SLC25A26: variants seen among roughly 807,000 people sequenced by gnomAD.
SLC25A26 encodes mitochondrial S-adenosylmethionine carrier protein.
SLC25A26 carries 36 observed loss-of-function variants against 37.8 expected under a neutral mutation model. The ratio of observed to expected loss-of-function variants is 0.95; its 90% CI spans 0.73 to 1.26. The LOEUF (loss-of-function observed/expected upper bound fraction) is 1.26. Ranked by LOEUF, SLC25A26 falls within the 50% of genes most tolerant of loss-of-function variation. SLC25A26 has a pLI of 0.00. For synonymous variants in SLC25A26, 129 were observed against 122.5 expected, an observed-to-expected ratio of 1.05 and a Z score of -0.35; for missense variants, 390 against 331.1, an observed-to-expected ratio of 1.18 and a Z score of -1.38.
intron 1 of SLC25A26, among the ~76,000 whole-genome samples, chr3:66,190,062 G>C: frequency 6.6e-6 from 1 of 152,202 alleles, no homozygotes; most frequent in East Asian, 1.9e-4. Context: ...CTGGAATCCC[G>C]GCACTTTGGG....
intron 1 of SLC25A26, among the ~76,000 whole-genome samples, chr3:66,157,758 G>A (rs1370975324): frequency 6.6e-6 from 1 of 152,070 alleles, no homozygotes; most frequent in Admixed American, 6.5e-5. Context: ...CATGCCACAT[G>A]CATATCTGGT....
At chr3:66,260,389 A>G (rs1434136036) in intron 3 of SLC25A26, among the ~76,000 whole-genome samples, 2 of 152,222 alleles carry the variant, frequency 1.3e-5, no homozygotes, top group Non-Finnish European at 2.9e-5. Context: ...CAAGTTACAG[A>G]CAGCTTTATA....
chr3:66,349,805 A>G (rs1207017923), intron 6 of SLC25A26, among the ~76,000 whole-genome samples: 1 of 152,178 alleles, frequency 6.6e-6, no homozygotes, highest in Non-Finnish European at 1.5e-5. Flanking sequence ...TGGCTGTACC[A>G]GTTTGCATTC....
At chr3:66,156,806 G>C (rs1042340743) in intron 1 of SLC25A26, among the ~76,000 whole-genome samples, 2 of 152,070 alleles carry the variant, frequency 1.3e-5, no homozygotes, top group Non-Finnish European at 2.9e-5. Context: ...CAGGCTTTGG[G>C]GAAAGTAGAG....
intron 5 of SLC25A26, among the ~76,000 whole-genome samples, chr3:66,343,301 T>A (rs1276729425): frequency 6.6e-6 from 1 of 152,266 alleles, no homozygotes; most frequent in African/African-American, 2.4e-5. Context: ...AATTTTGACT[T>A]GAAGAATATT....
At chr3:66,292,061 C>T (rs2074730595) in intron 5 of SLC25A26, among the ~76,000 whole-genome samples, 1 of 152,150 alleles carries the variant, frequency 6.6e-6, no homozygotes. Flanking sequence ...TAATGCCCTT[C>T]TTTGTCTTTT....
At chr3:66,257,581 G>A (rs34695932) in intron 3 of SLC25A26, among the ~76,000 whole-genome samples, 24,943 of 152,056 alleles carry the variant, frequency 0.16, 2,494 homozygotes, top group Non-Finnish European at 0.23. Flanking sequence ...TCATGGGCTC[G>A]GGCCTCTGAC....
intron 1 of SLC25A26, among the ~76,000 whole-genome samples, chr3:66,149,742 G>C (rs1419391029): frequency 1.3e-5 from 2 of 152,140 alleles, no homozygotes; most frequent in African/African-American, 4.8e-5. Flanking sequence ...CTCCTAATAA[G>C]ATAACTATAT....
At chr3:66,316,045 A>G (rs1028330890) in intron 5 of SLC25A26, among the ~76,000 whole-genome samples, 1 of 152,212 alleles carries the variant, frequency 6.6e-6, no homozygotes, top group Non-Finnish European at 1.5e-5. Flanking sequence ...CAGCACAGCA[A>G]TGGATCTTGA....
At chr3:66,217,613 A>G (rs1479477914), upstream of SLC25A26, among the ~76,000 whole-genome samples, 2 of 151,964 alleles carry the variant, frequency 1.3e-5, no homozygotes, top group African/African-American at 2.4e-5. Context: ...CTGTGGCACA[A>G]TCTCAGCTCA....
At chr3:66,282,870 C>A (rs1166849017) in intron 5 of SLC25A26, among the ~76,000 whole-genome samples, 1 of 152,172 alleles carries the variant, frequency 6.6e-6, no homozygotes, top group African/African-American at 2.4e-5. Context: ...CTACTGCTGG[C>A]AACTTTAGCG....
At chr3:66,198,511 C>T in intron 1 of SLC25A26, among the ~76,000 whole-genome samples, 1 of 151,904 alleles carries the variant, frequency 6.6e-6, no homozygotes, top group East Asian at 1.9e-4. Context: ...GACCCTGCAC[C>T]TGACCCTGAT....
At chr3:66,260,020 T>G (rs543478637) in intron 3 of SLC25A26, among the ~76,000 whole-genome samples, 1 of 152,324 alleles carries the variant, frequency 6.6e-6, no homozygotes, top group Admixed American at 6.5e-5. Flanking sequence ...TTTGTATTTA[T>G]GTACTTCCTT....
At chr3:66,302,784 C>T (rs543151980) in intron 5 of SLC25A26, among the ~76,000 whole-genome samples, 33 of 152,252 alleles carry the variant, frequency 2.2e-4, no homozygotes, top group African/African-American at 7.7e-4. Context: ...TAAGTTCAAA[C>T]CAAAGAACAG....
At chr3:66,255,888 G>A (rs9873167) in intron 3 of SLC25A26, among the ~76,000 whole-genome samples, 1,953 of 152,302 alleles carry the variant, frequency 0.013, 47 homozygotes, top group African/African-American at 0.044. Flanking sequence ...AAGTCAGGAA[G>A]CCATGCTGGG....
chr3:66,357,787 T>A (rs76418104), intron 6 of SLC25A26, among the ~76,000 whole-genome samples: 7,382 of 152,168 alleles, frequency 0.049, 238 homozygotes, highest in South Asian at 0.08. Context: ...TAATAACGTG[T>A]GTATTATGAT....
chr3:66,373,160 T>G (rs1013900513), intron 9 of SLC25A26, among the ~76,000 whole-genome samples: 2 of 152,132 alleles, frequency 1.3e-5, no homozygotes, highest in African/African-American at 4.8e-5. Flanking sequence ...ATCAGCTGGC[T>G]TTCTGTTTTT....
intron 1 of SLC25A26, among the ~76,000 whole-genome samples, chr3:66,229,074 G>T (rs1254321622): frequency 6.6e-6 from 1 of 152,110 alleles, no homozygotes; most frequent in Non-Finnish European, 1.5e-5. Flanking sequence ...AGGCTTTTGC[G>T]TGGTTTTTAG....
At chr3:66,250,163 A>G (rs983049767) in intron 3 of SLC25A26, among the ~76,000 whole-genome samples, 160 of 152,210 alleles carry the variant, frequency 1.1e-3, no homozygotes, top group African/African-American at 3.7e-3. Context: ...TTATTTCCTC[A>G]CTTGTACATC....
Sources: gnomAD v4.1 joint callset for allele counts (sites outside exome capture counted in the v4.1 genomes callset) on GRCh38, gnomAD v4.1.1 for gene constraint, MANE v1.5 for transcripts, NCBI Gene and HGNC (gene_info 2026-07-23, HGNC 2026-07-21) for gene names.